COL11A1: variants seen among roughly 807,000 people sequenced by gnomAD.
COL11A1 encodes the protein collagen type XI alpha 1 chain.
COL11A1 carries 74 observed loss-of-function variants against 265.2 expected under a neutral mutation model. The observed-to-expected ratio is 0.28, with a 90% CI of 0.23 to 0.34. COL11A1 has a LOEUF of 0.34. COL11A1 is among the 10% of genes least tolerant of loss of function. The pLI is 1.00. For missense variants in COL11A1, 2,165 were observed against 2,263.6 expected (o/e 0.96, Z 0.88); for synonymous variants, 816 against 727.6 (o/e 1.12, Z -1.96).
intron 30 of COL11A1, among the ~76,000 whole-genome samples, chr1:102,985,835 G>C (rs937469699): frequency 6.6e-6 from 1 of 152,148 alleles, no homozygotes. Context: ...AAGGGAAAGG[G>C]TTTAAACGCC....
At chr1:102,900,637 A>G (rs2100936944) in intron 54 of COL11A1, among the ~76,000 whole-genome samples, 1 of 152,246 alleles carries the variant, frequency 6.6e-6, no homozygotes, top group East Asian at 1.9e-4. Flanking sequence ...CAAGCCATCT[A>G]TTGTCTAAAA....
At chr1:103,007,483 GA>G (rs1665726063) in intron 15 of COL11A1, among the ~76,000 whole-genome samples, 2 of 151,976 alleles carry the variant, frequency 1.3e-5, no homozygotes, top group South Asian at 4.1e-4. Flanking sequence ...AAACATGGTA[GA>G]AAAAAATGAA....
chr1:103,064,554 G>C (rs936743593), intron 4 of COL11A1, among the ~76,000 whole-genome samples: 1 of 151,942 alleles, frequency 6.6e-6, no homozygotes, highest in Non-Finnish European at 1.5e-5. Flanking sequence ...AGCCAGGCGT[G>C]GTGGTGGGTG....
rs57013059 is a variant in COL11A1, at chr1:103,027,396, A to AATATAT, written c.781-1070_781-1065dup. Among the ~76,000 whole-genome samples the AATATAT allele has an allele frequency of 5.0e-3, 464 of 91,884 alleles. 5 individuals are homozygous for AATATAT. The highest frequency in any genetic ancestry group is 6.3e-3 in the Non-Finnish European group (303 of 48,176). 60.3% of individuals were successfully genotyped at this position (91,884 alleles called of 152,430 possible). On this transcript the variant is annotated intron_variant, in intron 5 of 66. Coordinates refer to ENST00000370096, the MANE Select transcript of COL11A1 (RefSeq NM_001854.4). The stretch of plus-strand genomic sequence containing the variant: ...AGTAAACTCAACAAGTTAAAACTCT[A>AATATAT]ATATATATATATATATATATATATA...
At position 102,934,490 on chromosome 1, in the gene COL11A1, C is replaced by A. The variant is rs750518623; in HGVS notation, c.3559G>T (p.Ala1187Ser). 5.0e-6 allele frequency: 8 copies of A among 1,614,140 alleles called. No homozygotes were observed. Among genetic ancestry groups the A allele is most frequent in the Non-Finnish European group, 5.9e-6 (7 of 1,179,982 alleles). ...CCAGGAGGTCCAGGGAAGCCTCTGGCACCCTCATCACCTTTTTGCCCAAAC... is the reference window on the plus strand; with the variant it reads ...CCAGGAGGTCCAGGGAAGCCTCTGGAACCCTCATCACCTTTTTGCCCAAAC... The part of the protein sequence containing the change: ...GMFGQKGDEG[A>S]RGFPGPPGPI... Residue 1187 changes from alanine to serine, a missense_variant, in exon 46 of 67, where the codon GCC (alanine) becomes TCC (serine). By Grantham distance (99) the Ala-to-Ser change is moderately conservative. Transcript: ENST00000370096.
chr1:102,906,783 C>G (rs1237011736), intron 54 of COL11A1, among the ~76,000 whole-genome samples: 2 of 151,618 alleles, frequency 1.3e-5, no homozygotes, highest in African/African-American at 2.4e-5. Context: ...GAGTTATTGA[C>G]TAAATTAACT....
Position 102,912,182 on chromosome 1 carries a change from G to C in COL11A1, c.4063C>G (p.Pro1355Ala). 5.0e-6 allele frequency: 8 copies of C among 1,611,444 alleles called. No individual in the cohort carries two copies. The highest frequency in any genetic ancestry group is 6.8e-6 in the Non-Finnish European group (8 of 1,178,854). The change falls in exon 54 of 67, where the codon CCA becomes GCA. Residue 1355 changes from proline to alanine, a missense_variant. Transcript: ENST00000370096. ...ACTCGTTTTCCAGGAGGACCTGGTG[G>C]GCCAGCCTCACCAGATGGGCCAGGA... ...GPPGPSGEAG[P>A]PGPPGKRGPP...
intron 36 of COL11A1, among the ~76,000 whole-genome samples, chr1:102,972,690 CAG>C (rs1397488049): frequency 6.6e-6 from 1 of 152,074 alleles, no homozygotes; most frequent in Admixed American, 6.6e-5. Flanking sequence ...TGGTACAGGA[CAG>C]AGAGAACAAA....
At chr1:102,935,637 G>A (rs1658057298) in intron 44 of COL11A1, among the ~76,000 whole-genome samples, 1 of 152,162 alleles carries the variant, frequency 6.6e-6, no homozygotes, top group African/African-American at 2.4e-5. Flanking sequence ...CTTATTTTGA[G>A]CAATAGTTTT....
chr1:102,935,082 G>T lies in COL11A1; in HGVS notation c.3470C>A (p.Pro1157Gln), dbSNP rs1658007739. 6.2e-7 allele frequency: 1 copy of T among 1,614,044 alleles called. No individual in the cohort carries two copies. The highest frequency in any genetic ancestry group is 8.5e-7 in the Non-Finnish European group (1 of 1,179,962). The change falls in exon 45 of 67, where the codon CCA (proline) becomes CAA (glutamine). Residue 1157 changes from proline to glutamine, a missense_variant. Pro to Gln is a moderately conservative substitution (Grantham distance 76). Transcript: ENST00000370096. Reference sequence around the variant, plus strand: ...CACAGCAATTCCAGGGGCACCAACTGGTCCTTGAAGACCTGGGGGACCGGG... The same window carrying T: ...CACAGCAATTCCAGGGGCACCAACTTGTCCTTGAAGACCTGGGGGACCGGG... ...GPPGPPGLQGPVGAPGIAGGD... is the reference protein window; with the variant it reads ...GPPGPPGLQGQVGAPGIAGGD...
At position 103,015,740 on chromosome 1, in the gene COL11A1, G is replaced by A. The variant is rs1237983504; in HGVS notation, c.1416C>T (p.Gly472=). The change falls in exon 12 of 67, where the codon GGC becomes GGT. Residue 472 remains glycine (G), a splice_region_variant and synonymous_variant. Coordinates refer to ENST00000370096, the MANE Select transcript of COL11A1 (RefSeq NM_001854.4). ...CTGGTAAGCCAGGACGTCCTGGGGG[G>A]CCCTAGAAAAATAAATGAAATAACC... ...TGPPGDPGDR[G]PPGRPGLPGA... The A allele has an allele frequency of 2.5e-6, 4 of 1,596,824 alleles. No homozygotes were observed. The highest frequency in any genetic ancestry group is 2.7e-5 in the African/African-American group (2 of 74,214).
intron 31 of COL11A1, among the ~76,000 whole-genome samples, chr1:102,980,024 T>C (rs1224624134): frequency 6.6e-6 from 1 of 152,102 alleles, no homozygotes; most frequent in East Asian, 1.9e-4. Flanking sequence ...TAAAACTCTG[T>C]TTTTTAGAAT....
In COL11A1 at chr1:102,914,797, T is replaced by G. The variant is rs780739712; in HGVS notation, c.3831A>C (p.Glu1277Asp). The G allele has an allele frequency of 1.9e-6, 3 of 1,607,464 alleles. No homozygotes were observed. Among genetic ancestry groups the G allele is most frequent in the Non-Finnish European group, 2.5e-6 (3 of 1,177,994 alleles). Residue 1277 changes from glutamate (E) to aspartate (D), a missense_variant, in exon 51 of 67, where the codon GAA (glutamate) becomes GAC (aspartate). By Grantham distance (45) the Glu-to-Asp change is conservative. Coordinates refer to ENST00000370096, the MANE Select transcript of COL11A1 (RefSeq NM_001854.4). ...GACCAGCTTCCCCTTTCTCTCCTCT[T>G]TCTCCTTTGGGACCCTAAACAATGT... Reference protein sequence around the residue: ...GEAGVGGPKGERGEKGEAGPP... With the variant: ...GEAGVGGPKGDRGEKGEAGPP...
chr1:103,047,354 A>G (rs1042690006), intron 4 of COL11A1, among the ~76,000 whole-genome samples: 4 of 152,038 alleles, frequency 2.6e-5, no homozygotes, highest in Admixed American at 1.3e-4. Flanking sequence ...TAGGTATTTT[A>G]TTCTCTTTGT....
At chr1:103,001,416 G>T (rs1665098548) in intron 24 of COL11A1, 1 of 403,828 alleles carries the variant, frequency 2.5e-6, no homozygotes, top group South Asian at 1.3e-4. Flanking sequence ...ATCTCACAGT[G>T]GAGATCAGGG....
intron 31 of COL11A1, among the ~76,000 whole-genome samples, chr1:102,982,176 T>G (rs943255265): frequency 6.6e-6 from 1 of 151,908 alleles, no homozygotes; most frequent in African/African-American, 2.4e-5. Context: ...ATTCCAGACA[T>G]TTCAGTAAAA....
chr1:102,955,466 C>T (rs1660282583), intron 41 of COL11A1, among the ~76,000 whole-genome samples: 1 of 152,184 alleles, frequency 6.6e-6, no homozygotes, highest in South Asian at 2.1e-4. Flanking sequence ...AGCTATCTGG[C>T]TCCTCTCATA....
intron 27 of COL11A1, 27 bp downstream of exon 27, chr1:102,995,962 A>G (rs1411648326): frequency 6.2e-7 from 1 of 1,612,604 alleles, no homozygotes; most frequent in South Asian, 1.1e-5. Flanking sequence ...TTTGAAAGTA[A>G]ATAATGTGAA....
Position 103,021,801 on chromosome 1 carries a change from T to G in COL11A1, c.1246-32A>C, listed in dbSNP as rs777630034. The G allele has an allele frequency of 2.1e-6, 3 of 1,423,274 alleles. No individual in the cohort carries two copies. In the African/African-American group the frequency reaches 4.2e-5, roughly 20 times the overall value. 88.2% of individuals were successfully genotyped at this position (1,423,274 alleles called of 1,614,324 possible). On this transcript the variant is annotated intron_variant, in intron 8 of 66. Transcript: ENST00000370096. ...AATGAAATATTCAAAACAGCCTAAATGTCTGTAAGACCATTTCTTTCTTTC... is the reference window on the plus strand; with the variant it reads ...AATGAAATATTCAAAACAGCCTAAAGGTCTGTAAGACCATTTCTTTCTTTC...
Sources: gnomAD v4.1 joint callset for allele counts (sites outside exome capture counted in the v4.1 genomes callset) on GRCh38, gnomAD v4.1.1 for gene constraint, MANE v1.5 for transcripts, NCBI Gene and HGNC (gene_info 2026-07-23, HGNC 2026-07-21) for gene names.